CGGBP1: variants seen among roughly 807,000 people sequenced by gnomAD.
The protein encoded by CGGBP1 is CGG triplet repeat binding protein 1.
A neutral mutation model predicts 11.4 loss-of-function variants in CGGBP1; 4 were observed. The ratio of observed to expected loss-of-function variants is 0.35; its 90% CI spans 0.17 to 0.80. CGGBP1 has a LOEUF of 0.80. Ranked by LOEUF, CGGBP1 falls within the 30% of genes least tolerant of loss-of-function variation. The pLI is 0.52. For synonymous variants in CGGBP1, 76 were observed against 74.1 expected (o/e 1.03, Z -0.13); for missense variants, 135 against 202.1 (o/e 0.67, Z 2.01).
chr3:88,116,287 G>C lies in CGGBP1; in HGVS notation c.-229+24683C>G, dbSNP rs1254645905. On this transcript the variant is annotated intron_variant, in intron 2 of 3. Transcript: ENST00000462901. ...TGTAATCCCAGCACTTTGGGAGGCC[G>C]AGGCGGGCAGATCACCTGAGGGTGG... Among the ~76,000 whole-genome samples, 20 of 152,168 alleles carry C rather than the reference G, an allele frequency of 1.3e-4. 1 individual carries two copies. The East Asian group carries it at 3.9e-3, about 29-fold the overall frequency.
In CGGBP1 at chr3:88,053,105, C is replaced by T. The variant is rs1706463657; in HGVS notation, c.*2368G>A. 6.6e-6 allele frequency: 1 copy of T among 152,528 alleles called. No homozygotes were observed. Among genetic ancestry groups the T allele is most frequent in the Non-Finnish European group, 1.5e-5 (1 of 67,982 alleles). 9.4% of individuals were successfully genotyped at this position (152,528 alleles called of 1,614,324 possible). A position where few individuals can be genotyped will look rare whatever the true frequency, so the allele number is the denominator to read the frequency against. On this transcript the variant is annotated 3_prime_UTR_variant, in exon 4 of 4. Coordinates refer to ENST00000482016, the MANE Select transcript of CGGBP1 (RefSeq NM_001008390.2). ...ACTATATAGTTAAGATTGAAAACTT[C>T]TGTACACACGTTCACTACACCTCCA...
chr3:88,095,316 A>G (rs1703991843), intron 2 of CGGBP1: 1 of 223,888 alleles, frequency 4.5e-6, no homozygotes. Flanking sequence ...TTTATCAAGG[A>G]TATGTTTAGG....
At chr3:88,085,227 T>C (rs1183474074) in intron 2 of CGGBP1, among the ~76,000 whole-genome samples, 1 of 152,192 alleles carries the variant, frequency 6.6e-6, no homozygotes, top group African/African-American at 2.4e-5. Flanking sequence ...CAAACTTTTT[T>C]CTGTAAAAGG....
rs543456013 is a variant in CGGBP1, at chr3:88,073,933, C to T, written c.-228-15710G>A. Among the ~76,000 whole-genome samples, 9 of 152,156 alleles carry T rather than the reference C, an allele frequency of 5.9e-5. No individual in the cohort carries two copies. In the East Asian group the frequency reaches 1.2e-3, roughly 20 times the overall value. Reference sequence around the variant, plus strand: ...TAATGTCTCAGTACTTAAGAGTATACGGCTTTTTAAGAGAGGCAGTTTCTG... The same window carrying T: ...TAATGTCTCAGTACTTAAGAGTATATGGCTTTTTAAGAGAGGCAGTTTCTG... On this transcript the variant is annotated intron_variant, in intron 2 of 3. Coordinates refer to the CGGBP1 transcript ENST00000462901.
chr3:88,138,518 A>T (rs1706937436), intron 2 of CGGBP1, among the ~76,000 whole-genome samples: 2 of 152,170 alleles, frequency 1.3e-5, no homozygotes, highest in South Asian at 4.1e-4. Flanking sequence ...ATTATTTTCA[A>T]GTTTAAGAAA....
intron 2 of CGGBP1, among the ~76,000 whole-genome samples, chr3:88,119,395 GGAGGGGGGA>G (rs1210478713): frequency 6.0e-3 from 25 of 4,174 alleles, no homozygotes; most frequent in Non-Finnish European, 0.058. Context: ...TGGGGTGGGG[GGAGGGGGGA>G]GGGGGGAGGG....
At chr3:88,130,228 C>G (rs898506156) in intron 2 of CGGBP1, among the ~76,000 whole-genome samples, 19 of 152,070 alleles carry the variant, frequency 1.2e-4, no homozygotes, top group African/African-American at 4.6e-4. Context: ...TTAAGAATTT[C>G]TGTTTCCTCA....
At chr3:88,059,446 G>T (rs747122309), upstream of CGGBP1, 2 of 1,520,842 alleles carry the variant, frequency 1.3e-6, no homozygotes, top group Non-Finnish European at 1.8e-6. Flanking sequence ...CGCTGGCAGC[G>T]GCAACTGCGG....
intron 2 of CGGBP1, among the ~76,000 whole-genome samples, chr3:88,127,868 A>G (rs1431298868): frequency 6.6e-6 from 1 of 152,208 alleles, no homozygotes; most frequent in Non-Finnish European, 1.5e-5. Context: ...GGGAAAGACC[A>G]GAGTGAAGTT....
intron 2 of CGGBP1, among the ~76,000 whole-genome samples, chr3:88,064,103 C>T (rs1194758532): frequency 1.4e-5 from 1 of 74,008 alleles, no homozygotes; most frequent in Middle Eastern, 7.9e-3. Flanking sequence ...GAATAACGAG[C>T]TTCTTCTTTT....
At chr3:88,095,970 G>A (rs530198024) in intron 2 of CGGBP1, 8 of 304,396 alleles carry the variant, frequency 2.6e-5, no homozygotes, top group Non-Finnish European at 3.7e-5. Flanking sequence ...TTTCTTTCCC[G>A]TGTTGCACTG....
intron 2 of CGGBP1, among the ~76,000 whole-genome samples, chr3:88,091,983 T>C (rs555029209): frequency 2.0e-5 from 3 of 152,336 alleles, no homozygotes; most frequent in East Asian, 3.9e-4. Context: ...AAAAATAATG[T>C]GTTAAGCAGA....
chr3:88,139,322 CAAGG>C, intron 2 of CGGBP1: 1 of 1,602,808 alleles, frequency 6.2e-7, no homozygotes, highest in Non-Finnish European at 8.5e-7. Flanking sequence ...TGTTATGTAA[CAAGG>C]AATTTTTAGG....
chr3:88,083,001 C>T (rs1237533312), intron 2 of CGGBP1, among the ~76,000 whole-genome samples: 2 of 151,858 alleles, frequency 1.3e-5, no homozygotes, highest in East Asian at 3.9e-4. Context: ...GTCTTTCTGC[C>T]TCCTTCTCCT....
intron 2 of CGGBP1, among the ~76,000 whole-genome samples, chr3:88,136,081 CAAAGT>C (rs1459337883): frequency 6.6e-6 from 1 of 152,074 alleles, no homozygotes; most frequent in Non-Finnish European, 1.5e-5. Flanking sequence ...AATGCATTCT[CAAAGT>C]AAACTCCTTC....
chr3:88,133,152 G>A (rs544328041), intron 2 of CGGBP1, among the ~76,000 whole-genome samples: 13 of 152,058 alleles, frequency 8.5e-5, no homozygotes, highest in Non-Finnish European at 1.6e-4. Context: ...TCACTTTCCC[G>A]CCCCTGAATT....
chr3:88,139,454 TAAG>T, intron 2 of CGGBP1: 2 of 1,613,840 alleles, frequency 1.2e-6, no homozygotes, highest in Non-Finnish European at 1.7e-6. Flanking sequence ...AGAATCATGT[TAAG>T]AAGATACAGA....
intron 2 of CGGBP1, among the ~76,000 whole-genome samples, chr3:88,078,888 C>T (rs778963246): frequency 2.6e-5 from 4 of 151,924 alleles, no homozygotes; most frequent in Non-Finnish European, 5.9e-5. Context: ...GAACTTGGTT[C>T]TATTATAAAT....
chr3:88,101,361 A>G (rs1218941255), intron 2 of CGGBP1, among the ~76,000 whole-genome samples: 1 of 152,168 alleles, frequency 6.6e-6, no homozygotes, highest in African/African-American at 2.4e-5. Flanking sequence ...TTTCATATAA[A>G]TGATATCATA....
Sources: gnomAD v4.1 joint callset for allele counts (sites outside exome capture counted in the v4.1 genomes callset) on GRCh38, gnomAD v4.1.1 for gene constraint, MANE v1.5 for transcripts, NCBI Gene and HGNC (gene_info 2026-07-23, HGNC 2026-07-21) for gene names.